EEFSEC: variants seen among roughly 807,000 people sequenced by gnomAD.
EEFSEC encodes the protein eukaryotic elongation factor, selenocysteine-tRNA specific, also known as selenocysteine-specific elongation factor.
Under a neutral mutation model 42.1 loss-of-function variants are expected in EEFSEC, and 43 were observed. The ratio of observed to expected loss-of-function variants is 1.02; its 90% CI spans 0.80 to 1.32. The LOEUF (loss-of-function observed/expected upper bound fraction) is 1.32. Ranked by LOEUF, EEFSEC falls within the 40% of genes most tolerant of loss-of-function variation. The pLI is 0.00. For synonymous variants in EEFSEC, 354 were observed against 339.1 expected, an observed-to-expected ratio of 1.04 and a Z score of -0.48; for missense variants, 745 against 803.6, an observed-to-expected ratio of 0.93 and a Z score of 0.88.
intron 1 of EEFSEC, among the ~76,000 whole-genome samples, chr3:128,215,297 G>C (rs2065798683): frequency 6.6e-6 from 1 of 152,148 alleles, no homozygotes; most frequent in Admixed American, 6.5e-5. Context: ...GAGGCAACAT[G>C]GCCTTCCCTG....
chr3:128,285,352 G>A (rs1218746352), intron 4 of EEFSEC, among the ~76,000 whole-genome samples: 1 of 152,140 alleles, frequency 6.6e-6, no homozygotes, highest in Admixed American at 6.5e-5. Flanking sequence ...AGCCAGAGTC[G>A]AGAGTGTCCC....
chr3:128,329,427 C>G (rs573393871), intron 4 of EEFSEC, among the ~76,000 whole-genome samples: 1 of 152,150 alleles, frequency 6.6e-6, no homozygotes, highest in Non-Finnish European at 1.5e-5. Context: ...CCCCCACCCC[C>G]GCTGATGCTC....
In EEFSEC at chr3:128,298,271, C is replaced by A. The variant is rs563680412; in HGVS notation, c.786+33490C>A. On this transcript the variant is annotated intron_variant, in intron 4 of 6. Coordinates refer to ENST00000254730, the MANE Select transcript of EEFSEC (RefSeq NM_021937.5). ...CAAGCGATCTTCCTACCTCAGCCTC[C>A]TGAGTAGGTGGAACCACAGGCATGC... Among the ~76,000 whole-genome samples, 47 of 152,306 alleles carry A rather than the reference C, an allele frequency of 3.1e-4. No individual in the cohort carries two copies. The South Asian group carries it at 9.7e-3, about 32-fold the overall frequency.
At chr3:128,241,629 C>G (rs2066072894) in intron 1 of EEFSEC, among the ~76,000 whole-genome samples, 1 of 152,142 alleles carries the variant, frequency 6.6e-6, no homozygotes, top group African/African-American at 2.4e-5. Flanking sequence ...ACAGACCCAG[C>G]CTGTTTTCCC....
chr3:128,216,598 G>T (rs1310617571), intron 1 of EEFSEC, among the ~76,000 whole-genome samples: 1 of 152,208 alleles, frequency 6.6e-6, no homozygotes, highest in Non-Finnish European at 1.5e-5. Flanking sequence ...ACTCACGCCT[G>T]TACTGTCCTC....
At chr3:128,165,356 T>A (rs2065233815) in intron 1 of EEFSEC, among the ~76,000 whole-genome samples, 1 of 152,356 alleles carries the variant, frequency 6.6e-6, no homozygotes, top group African/African-American at 2.4e-5. Context: ...TATATATAAA[T>A]CAAATTGTCA....
chr3:128,223,018 C>T (rs2065876029), intron 1 of EEFSEC, among the ~76,000 whole-genome samples: 1 of 152,198 alleles, frequency 6.6e-6, no homozygotes, highest in Admixed American at 6.5e-5. Flanking sequence ...GCCTATGGGC[C>T]ATATGATATC....
chr3:128,286,408 C>T (rs939637912), intron 4 of EEFSEC, among the ~76,000 whole-genome samples: 1 of 152,212 alleles, frequency 6.6e-6, no homozygotes, highest in African/African-American at 2.4e-5. Context: ...GGAATTCTTC[C>T]TTACAGGAGA....
chr3:128,288,613 C>T (rs753343552), intron 4 of EEFSEC, among the ~76,000 whole-genome samples: 16 of 152,204 alleles, frequency 1.1e-4, no homozygotes, highest in Admixed American at 2.6e-4. Context: ...AGGGAGTTCT[C>T]CTAGGATACA....
At chr3:128,378,192 A>G (rs927027237) in intron 6 of EEFSEC, among the ~76,000 whole-genome samples, 1 of 152,202 alleles carries the variant, frequency 6.6e-6, no homozygotes, top group South Asian at 2.1e-4. Flanking sequence ...ACCTCTACCA[A>G]GATGGCTTTT....
intron 6 of EEFSEC, among the ~76,000 whole-genome samples, chr3:128,363,937 C>T (rs1006144594): frequency 1.3e-5 from 2 of 152,136 alleles, no homozygotes; most frequent in Admixed American, 6.5e-5. Flanking sequence ...ACACCAACCT[C>T]ATCAGACTCC....
intron 4 of EEFSEC, among the ~76,000 whole-genome samples, chr3:128,284,003 C>T (rs937073239): frequency 7.9e-5 from 12 of 152,198 alleles, no homozygotes; most frequent in South Asian, 6.2e-4. Flanking sequence ...CTGGAGAGCA[C>T]GGGTGCTGCC....
chr3:128,261,551 CTTTTTTTTTT>C (rs386397883), intron 2 of EEFSEC, among the ~76,000 whole-genome samples: 32 of 106,894 alleles, frequency 3.0e-4, no homozygotes, highest in African/African-American at 9.5e-4. Context: ...CTCTTTCCCT[CTTTTTTTTTT>C]TTTTTTTTTT....
chr3:128,333,720 G>T (rs187961486), intron 4 of EEFSEC, among the ~76,000 whole-genome samples: 1 of 152,252 alleles, frequency 6.6e-6, no homozygotes, highest in African/African-American at 2.4e-5. Context: ...AAGATGCTGT[G>T]GAGAACAGAG....
intron 1 of EEFSEC, among the ~76,000 whole-genome samples, chr3:128,180,207 C>T (rs1387798956): frequency 1.3e-5 from 2 of 152,154 alleles, no homozygotes; most frequent in African/African-American, 2.4e-5. Flanking sequence ...GTTTTTGTCT[C>T]ATCAGATCGA....
At chr3:128,388,427 C>T (rs2067868481) in intron 6 of EEFSEC, among the ~76,000 whole-genome samples, 1 of 152,244 alleles carries the variant, frequency 6.6e-6, no homozygotes, top group Non-Finnish European at 1.5e-5. Flanking sequence ...AATCTGCCTG[C>T]CATGAGTCCG....
At chr3:128,391,594 C>T (rs2067913723) in intron 6 of EEFSEC, among the ~76,000 whole-genome samples, 1 of 152,222 alleles carries the variant, frequency 6.6e-6, no homozygotes, top group African/African-American at 2.4e-5. Context: ...AGCCAATGCT[C>T]CCAGTTCCCT....
intron 4 of EEFSEC, among the ~76,000 whole-genome samples, chr3:128,279,728 C>A (rs948293231): frequency 6.6e-6 from 1 of 152,194 alleles, no homozygotes; most frequent in Admixed American, 6.5e-5. Flanking sequence ...TCCCCCTGCT[C>A]CCAGGCATGG....
At chr3:128,330,803 TC>T (rs1245841806) in intron 4 of EEFSEC, among the ~76,000 whole-genome samples, 1 of 113,668 alleles carries the variant, frequency 8.8e-6, no homozygotes, top group Non-Finnish European at 1.8e-5. Flanking sequence ...TCTCCCCTCT[TC>T]CCCATTCCTC....
Sources: allele counts gnomAD v4.1 joint callset (sites outside exome capture counted in the v4.1 genomes callset), GRCh38; gene constraint gnomAD v4.1.1; transcripts MANE v1.5; gene names NCBI Gene and HGNC (gene_info 2026-07-23, HGNC 2026-07-21).